RBFOX1: variants seen among roughly 807,000 people sequenced by gnomAD.
RBFOX1 encodes the protein RNA binding fox-1 homolog 1, also known as RNA binding protein fox-1 homolog 1.
A neutral mutation model predicts 57.7 loss-of-function variants in RBFOX1; 8 were observed. That is an observed-to-expected ratio of 0.14 (90% CI 0.08 to 0.25). RBFOX1 has a LOEUF of 0.25. RBFOX1 is among the 10% of genes least tolerant of loss of function. RBFOX1 has a pLI of 1.00. For missense variants in RBFOX1, 611 were observed against 548.5 expected, an observed-to-expected ratio of 1.11 and a Z score of -1.14; for synonymous variants, 326 against 222.4, an observed-to-expected ratio of 1.47 and a Z score of -4.15.
At chr16:5,427,594 CAAAA>C (rs1255628672) in intron 1 of RBFOX1, among the ~76,000 whole-genome samples, 1 of 108,728 alleles carries the variant, frequency 9.2e-6, no homozygotes. Flanking sequence ...CAAAACAAAA[CAAAA>C]CAAAACAAAA....
intron 3 of RBFOX1, among the ~76,000 whole-genome samples, chr16:6,839,842 C>T (rs1386713880): frequency 6.6e-6 from 1 of 152,202 alleles, no homozygotes; most frequent in Non-Finnish European, 1.5e-5. Flanking sequence ...AATCATACCT[C>T]TGTTCTTACG....
intron 3 of RBFOX1, among the ~76,000 whole-genome samples, chr16:7,025,220 T>G (rs1044315820): frequency 2.0e-5 from 3 of 152,108 alleles, no homozygotes; most frequent in African/African-American, 7.2e-5. Flanking sequence ...ATTACTCATG[T>G]CTCCCCTTTT....
At chr16:6,531,619 C>T (rs561227062) in intron 2 of RBFOX1, among the ~76,000 whole-genome samples, 4 of 152,038 alleles carry the variant, frequency 2.6e-5, no homozygotes, top group African/African-American at 9.7e-5. Flanking sequence ...TGTTCTATTC[C>T]TCAGTGTACG....
chr16:5,864,706 C>A (rs1327085776), intron 3 of RBFOX1, among the ~76,000 whole-genome samples: 5 of 152,086 alleles, frequency 3.3e-5, no homozygotes, highest in African/African-American at 1.2e-4. Flanking sequence ...ATTGACTTGG[C>A]TTAAAAGATC....
intron 3 of RBFOX1, among the ~76,000 whole-genome samples, chr16:6,834,160 G>A (rs1008687507): frequency 1.3e-5 from 2 of 151,836 alleles, no homozygotes; most frequent in Admixed American, 6.6e-5. Context: ...CACAACCTCC[G>A]CCTCCCCAGT....
rs2093633596 is a variant in RBFOX1 at position 6,844,081 on chromosome 16, A to T, written c.-16+189431A>T. ...TCTGTCTCTCTCTCCCCACCCCCAA[A>T]TCCCTCTCTGTCTCTAAGCCACCAT... On this transcript the variant is annotated intron_variant, in intron 3 of 15. Coordinates refer to ENST00000550418, the MANE Select transcript of RBFOX1 (RefSeq NM_018723.4). Among the ~76,000 whole-genome samples the T allele has an allele frequency of 1.3e-5, 2 of 150,608 alleles. 1 individual carries two copies. Among genetic ancestry groups the T allele is most frequent in the African/African-American group, 4.9e-5 (2 of 40,862 alleles).
At chr16:5,942,751 T>A (rs2059307769) in intron 4 of RBFOX1, among the ~76,000 whole-genome samples, 1 of 152,036 alleles carries the variant, frequency 6.6e-6, no homozygotes, top group Non-Finnish European at 1.5e-5. Context: ...CAAGGTGGAG[T>A]TGGTTAGATC....
In RBFOX1 at chr16:6,564,400, C is replaced by T. The variant is rs543675287; in HGVS notation, c.-63-90203C>T. Among the ~76,000 whole-genome samples, 4 of 152,196 alleles carry T rather than the reference C, an allele frequency of 2.6e-5. No homozygotes were observed. In the South Asian group the frequency reaches 6.2e-4, roughly 24 times the overall value. ...GTGTGAACCCAGGAGACAGAGCTTG[C>T]AGTGAGCCGAGATCGTGCCACTACA... On this transcript the variant is annotated intron_variant, in intron 2 of 15. Coordinates refer to ENST00000550418, the MANE Select transcript of RBFOX1 (RefSeq NM_018723.4).
At chr16:6,844,139 C>CTCT (rs2093636732) in intron 3 of RBFOX1, among the ~76,000 whole-genome samples, 2 of 151,664 alleles carry the variant, frequency 1.3e-5, no homozygotes, top group Admixed American at 1.3e-4. Flanking sequence ...TCTCTCTCTC[C>CTCT]ATCATTACCC....
At chr16:7,354,615 A>G (rs1438148393) in intron 4 of RBFOX1, among the ~76,000 whole-genome samples, 8 of 152,212 alleles carry the variant, frequency 5.3e-5, no homozygotes, top group African/African-American at 1.9e-4. Flanking sequence ...AAGCACTATT[A>G]CCGTGCCCAA....
chr16:6,719,483 C>G (rs923490008), intron 3 of RBFOX1, among the ~76,000 whole-genome samples: 26 of 151,524 alleles, frequency 1.7e-4, no homozygotes, highest in Admixed American at 3.3e-4. Flanking sequence ...CTCTGTCACC[C>G]AGGATGGGGT....
At chr16:7,005,112 C>G (rs554329387) in intron 3 of RBFOX1, among the ~76,000 whole-genome samples, 2 of 152,264 alleles carry the variant, frequency 1.3e-5, no homozygotes, top group African/African-American at 2.4e-5. Flanking sequence ...TCATTGCACT[C>G]CAGCCTGGGT....
intron 3 of RBFOX1, among the ~76,000 whole-genome samples, chr16:5,770,321 C>G (rs979738438): frequency 6.6e-6 from 1 of 152,172 alleles, no homozygotes; most frequent in African/African-American, 2.4e-5. Context: ...CCTCACTGCT[C>G]TTTGTATGCA....
At chr16:7,500,566 ATATCT>A (rs1238000990) in intron 4 of RBFOX1, among the ~76,000 whole-genome samples, 1 of 152,180 alleles carries the variant, frequency 6.6e-6, no homozygotes, top group African/African-American at 2.4e-5. Flanking sequence ...ATGGATGAAA[ATATCT>A]TAGGGAACAG....
At chr16:5,318,522 C>G (rs1040572846) in intron 1 of RBFOX1, among the ~76,000 whole-genome samples, 1 of 152,176 alleles carries the variant, frequency 6.6e-6, no homozygotes, top group African/African-American at 2.4e-5. Context: ...TCCCTGCACT[C>G]TGTGGATTGC....
Position 7,506,218 on chromosome 16 carries a change from T to A in RBFOX1, c.28-11929T>A, listed in dbSNP as rs867776088. ...AAAAAAAAAAAAAAAAAAAAAAAAA[T>A]TTCTGTAAGCTGGCATAGTTACCAG... On this transcript the variant is annotated intron_variant, in intron 4 of 15. Coordinates refer to ENST00000550418, the MANE Select transcript of RBFOX1 (RefSeq NM_018723.4). 4.1e-3 allele frequency among the ~76,000 whole-genome samples: 499 copies of A among 122,826 alleles called. 3 individuals carry two copies. Among genetic ancestry groups the A allele is most frequent in the African/African-American group, 0.014 (404 of 28,356 alleles). 80.6% of individuals were successfully genotyped at this position (122,826 alleles called of 152,430 possible). A position where few individuals can be genotyped will look rare whatever the true frequency, so the allele number is the denominator to read the frequency against.
intron 11 of RBFOX1, among the ~76,000 whole-genome samples, chr16:7,632,342 G>A (rs898701510): frequency 1.7e-4 from 26 of 152,198 alleles, no homozygotes; most frequent in Non-Finnish European, 2.9e-5. Context: ...AAATTCAGAA[G>A]GGCCTCCTTG....
intron 1 of RBFOX1, among the ~76,000 whole-genome samples, chr16:5,399,773 C>G (rs1039576099): frequency 1.3e-5 from 2 of 151,426 alleles, no homozygotes; most frequent in African/African-American, 4.9e-5. Context: ...ATTTGCAGTT[C>G]TAAGTCATGA....
chr16:7,260,260 G>A (rs935624567), intron 4 of RBFOX1, among the ~76,000 whole-genome samples: 2 of 152,184 alleles, frequency 1.3e-5, no homozygotes, highest in South Asian at 2.1e-4. Flanking sequence ...TTCTTTAGCT[G>A]TTAACTTGGA....
Sources: gnomAD v4.1 joint callset for allele counts (sites outside exome capture counted in the v4.1 genomes callset) on GRCh38, gnomAD v4.1.1 for gene constraint, MANE v1.5 for transcripts, NCBI Gene and HGNC (gene_info 2026-07-23, HGNC 2026-07-21) for gene names.